AVEN: variants seen among roughly 807,000 people sequenced by gnomAD.
AVEN encodes the protein cell death regulator Aven.
AVEN carries 41 observed loss-of-function variants against 38.1 expected under a neutral mutation model. The ratio of observed to expected loss-of-function variants is 1.08; its 90% CI spans 0.84 to 1.40. The LOEUF is 1.40. AVEN is among the 40% of genes most tolerant of loss of function. The probability of loss-of-function intolerance (pLI) is 0.00; values close to 1 mark genes in which losing one functional copy is unlikely to be tolerated. For synonymous variants in AVEN, 206 were observed against 171.8 expected (o/e 1.20, Z -1.56); for missense variants, 605 against 438.8 (o/e 1.38, Z -3.38).
intron 5 of AVEN, among the ~76,000 whole-genome samples, chr15:34,056,815 G>A (rs532375700): frequency 1.3e-5 from 2 of 152,174 alleles, no homozygotes; most frequent in South Asian, 2.1e-4. Flanking sequence ...CCAGGAGTTC[G>A]AGGCCAGGAG....
At chr15:33,937,009 T>C in intron 2 of AVEN, among the ~76,000 whole-genome samples, 1 of 151,074 alleles carries the variant, frequency 6.6e-6, no homozygotes, top group African/African-American at 2.4e-5. Flanking sequence ...CGGGCGCCTG[T>C]AGTCCCAGCC....
At chr15:33,967,216 A>C (rs1895421869) in intron 2 of AVEN, among the ~76,000 whole-genome samples, 1 of 152,114 alleles carries the variant, frequency 6.6e-6, no homozygotes, top group African/African-American at 2.4e-5. Context: ...CTTCTTTCTC[A>C]TACATGTTCA....
At chr15:33,905,747 G>C (rs565985983) in intron 2 of AVEN, among the ~76,000 whole-genome samples, 2 of 151,430 alleles carry the variant, frequency 1.3e-5, no homozygotes, top group South Asian at 2.1e-4. Flanking sequence ...TTGAGCTCCA[G>C]AGGTGGAAGT....
chr15:33,975,364 G>A (rs565230060), intron 2 of AVEN, among the ~76,000 whole-genome samples: 27 of 152,292 alleles, frequency 1.8e-4, no homozygotes, highest in African/African-American at 6.0e-4. Context: ...CACAGGTTGC[G>A]AAACAGTGCT....
chr15:34,062,993 C>T (rs747419021), exon 5 of AVEN: 2 of 1,614,226 alleles, frequency 1.2e-6, no homozygotes, highest in African/African-American at 1.3e-5. Flanking sequence ...CCTACATCCT[C>T]ATGGGACGCT....
intron 1 of AVEN, among the ~76,000 whole-genome samples, chr15:34,038,055 C>T (rs2140790985): frequency 6.6e-6 from 1 of 152,250 alleles, no homozygotes; most frequent in Non-Finnish European, 1.5e-5. Flanking sequence ...CCAAAAACTT[C>T]CTTCTATGAA....
intron 2 of AVEN, among the ~76,000 whole-genome samples, chr15:33,896,247 C>T (rs1292212543): frequency 6.6e-6 from 1 of 152,108 alleles, no homozygotes; most frequent in Non-Finnish European, 1.5e-5. Flanking sequence ...TAATGGCCCC[C>T]TAAAGAGGAG....
chr15:33,853,173 A>G, the AVEN span: 2 of 1,124,744 alleles, frequency 1.8e-6, no homozygotes, highest in Non-Finnish European at 2.5e-6. Flanking sequence ...AAACATGAGT[A>G]AATGTGATGC....
intron 2 of AVEN, among the ~76,000 whole-genome samples, chr15:33,899,936 G>T (rs1248781897): frequency 1.4e-5 from 2 of 145,298 alleles, no homozygotes; most frequent in Non-Finnish European, 3.0e-5. Context: ...TCACAGTTCA[G>T]TTTTTTTTTT....
At chr15:34,060,325 A>T in intron 5 of AVEN, among the ~76,000 whole-genome samples, 1 of 152,200 alleles carries the variant, frequency 6.6e-6, no homozygotes, top group East Asian at 1.9e-4. Context: ...AGCATGCAAG[A>T]TTGGGAAGAT....
At position 33,982,981 on chromosome 15, in the gene AVEN, A is replaced by G; in HGVS notation, c.445+20051T>C. On this transcript the variant is annotated intron_variant, in intron 2 of 5. Coordinates refer to ENST00000306730, the MANE Select transcript of AVEN (RefSeq NM_020371.3). ...AACTCCTGTTGGGATAATTTTTGAA[A>G]GACTGCACCTCTTAACTGCATGGAC... is the stretch of plus-strand genomic sequence containing the variant. 1.5e-5 allele frequency among the ~76,000 whole-genome samples: 2 copies of G among 134,918 alleles called. 1 individual carries two copies. Among genetic ancestry groups the G allele is most frequent in the Non-Finnish European group, 3.0e-5 (2 of 66,478 alleles). The allele number at this position is 134,918 out of a possible 152,430, so 88.5% of individuals were successfully genotyped here. A position where few individuals can be genotyped will look rare whatever the true frequency, so the allele number is the denominator to read the frequency against.
downstream of AVEN, among the ~76,000 whole-genome samples, chr15:33,855,166 G>C (rs1242273728): frequency 2.0e-5 from 3 of 151,990 alleles, no homozygotes; most frequent in Admixed American, 2.0e-4. Context: ...CCAGGAGAGG[G>C]AGGGAGGTGA....
chr15:33,864,956 C>G, downstream of AVEN: 1 of 552,894 alleles, frequency 1.8e-6, no homozygotes, highest in East Asian at 2.9e-5. Context: ...AGAGACATGG[C>G]TTCTTGCTTC....
At chr15:33,881,770 G>C (rs745650390) in intron 2 of AVEN, among the ~76,000 whole-genome samples, 13 of 152,168 alleles carry the variant, frequency 8.5e-5, no homozygotes, top group Non-Finnish European at 1.5e-4. Flanking sequence ...CTTTAAGTAA[G>C]ATAGCAAGGG....
chr15:34,073,386 G>A (rs988159752), intron 1 of AVEN, among the ~76,000 whole-genome samples: 1 of 151,580 alleles, frequency 6.6e-6, no homozygotes, highest in Non-Finnish European at 1.5e-5. Context: ...ACACAGAGCT[G>A]TTAAATACTG....
intron 5 of AVEN, among the ~76,000 whole-genome samples, chr15:34,053,611 G>T (rs1160059544): frequency 6.6e-6 from 1 of 151,946 alleles, no homozygotes; most frequent in African/African-American, 2.4e-5. Flanking sequence ...GGTGCTGAGA[G>T]AACTGGCTAG....
intron 1 of AVEN, 144 bp downstream of exon 1, chr15:34,038,636 C>A (rs1295356140): frequency 1.5e-5 from 9 of 595,812 alleles, no homozygotes; most frequent in Non-Finnish European, 2.0e-5. Flanking sequence ...CCCGCGCCAC[C>A]ATCCGCCCGT....
At position 33,984,258 on chromosome 15, in the gene AVEN, C is replaced by G. The variant is rs75100436; in HGVS notation, c.445+18774G>C. ...AATTCACTGTATTATCTTTGTAACT[C>G]TTCTGAAAAATCTAAAAAGTATTAG... On this transcript the variant is annotated intron_variant, in intron 2 of 5. Coordinates refer to ENST00000306730, the MANE Select transcript of AVEN (RefSeq NM_020371.3). Among the ~76,000 whole-genome samples, 859 of 152,194 alleles carry G rather than the reference C, an allele frequency of 5.6e-3. 21 individuals are homozygous for G. Among genetic ancestry groups the G allele is most frequent in the Admixed American group, 0.041 (625 of 15,288 alleles).
intron 1 of AVEN, among the ~76,000 whole-genome samples, chr15:34,007,895 C>T (rs1440043140): frequency 2.6e-5 from 4 of 152,190 alleles, no homozygotes; most frequent in Non-Finnish European, 5.9e-5. Flanking sequence ...GCCATTTTCA[C>T]ATGGCATTTT....
Sources: gnomAD v4.1 joint callset for allele counts (sites outside exome capture counted in the v4.1 genomes callset) on GRCh38, gnomAD v4.1.1 for gene constraint, MANE v1.5 for transcripts, NCBI Gene and HGNC (gene_info 2026-07-23, HGNC 2026-07-21) for gene names.